The following ARAP1 variants were observed in gnomAD, a reference collection of about 807,000 sequenced individuals.
ARAP1 encodes ArfGAP with RhoGAP domain, ankyrin repeat and PH domain 1.
Under a neutral mutation model 172.2 loss-of-function variants are expected in ARAP1, and 76 were observed. The observed-to-expected ratio is 0.44, with a 90% CI of 0.37 to 0.53. The LOEUF (loss-of-function observed/expected upper bound fraction) is 0.53. Among genes scored for constraint, ARAP1 ranks in the 20% least tolerant of loss-of-function variants. The probability of loss-of-function intolerance (pLI) is 0.00; values close to 1 mark genes in which losing one functional copy is unlikely to be tolerated. For missense variants in ARAP1, 1,686 were observed against 1,977.5 expected, an observed-to-expected ratio of 0.85 and a Z score of 2.80; for synonymous variants, 804 against 803.3, an observed-to-expected ratio of 1.00 and a Z score of -0.01.
chr11:72,702,568 C>T (rs1412935525), intron 15 of ARAP1, among the ~76,000 whole-genome samples: 1 of 152,236 alleles, frequency 6.6e-6, no homozygotes, highest in African/African-American at 2.4e-5. Context: ...CACAGACACA[C>T]TCTGCACACG....
intron 1 of ARAP1, among the ~76,000 whole-genome samples, chr11:72,738,799 CCA>C (rs1565232299): frequency 6.6e-6 from 1 of 152,122 alleles, no homozygotes; most frequent in Non-Finnish European, 1.5e-5. Context: ...TCTCCCAGGG[CCA>C]CACACACCTA....
At position 72,688,438 on chromosome 11, in the gene ARAP1, G is replaced by A. The variant is rs747556951; in HGVS notation, c.4070+17C>T. ...ATAAGCCCCAGTAGCAGGCCTATCTGCCCAGTCCCAGCTTACCAGGTGGGT... is the reference window on the plus strand; with the variant it reads ...ATAAGCCCCAGTAGCAGGCCTATCTACCCAGTCCCAGCTTACCAGGTGGGT... On this transcript the variant is annotated intron_variant, in intron 31 of 34. Coordinates refer to ENST00000393609, the MANE Select transcript of ARAP1 (RefSeq NM_001040118.3). 6.2e-7 allele frequency: 1 copy of A among 1,607,968 alleles called. No individual in the cohort carries two copies. Among genetic ancestry groups the A allele is most frequent in the South Asian group, 1.1e-5 (1 of 89,822 alleles).
chr11:72,710,631 C>A lies in ARAP1; in HGVS notation c.1214-44G>T. 6.5e-7 allele frequency: 1 copy of A among 1,549,928 alleles called. No individual in the cohort carries two copies. The highest frequency in any genetic ancestry group is 2.3e-5 in the East Asian group (1 of 43,442). ...GGAGTAAGCCCAAGGTTGCAGGGAGCCCCTCAGGGGTCTCCTGGCCCTAGG... is the reference window on the plus strand; with the variant it reads ...GGAGTAAGCCCAAGGTTGCAGGGAGACCCTCAGGGGTCTCCTGGCCCTAGG... On this transcript the variant is annotated intron_variant, in intron 9 of 34. Transcript: ENST00000393609. The surrounding 1 kb of genome is among the most constrained non-coding windows in gnomAD (Gnocchi z 4.3).
In ARAP1 at chr11:72,726,700, C is replaced by A. The variant is rs780783884; in HGVS notation, c.429G>T (p.Pro143=). Residue 143 remains proline (P), a synonymous_variant, in exon 3 of 35, where the codon CCG becomes CCT. Transcript: ENST00000393609. This position sits in a 1 kb window ranked among gnomAD's most constrained non-coding sequence, Gnocchi z 6.5. The part of the protein sequence containing the change: ...STAAPDPVLP[P]LPAKRHLAEL... ...CTGCCAAATGCCGCTTAGCAGGCAG[C>A]GGGGGCAGCACAGGGTCTGGGGCAG... 2.2e-5 allele frequency: 29 copies of A among 1,299,200 alleles called. No individual in the cohort carries two copies. In the Admixed American group the frequency reaches 6.6e-4, roughly 29 times the overall value. The allele number at this position is 1,299,200 out of a possible 1,614,324, so 80.5% of individuals were successfully genotyped here. A position where few individuals can be genotyped will look rare whatever the true frequency, so the allele number is the denominator to read the frequency against.
At position 72,692,647 on chromosome 11, in the gene ARAP1, T is replaced by C. The variant is rs1855987410; in HGVS notation, c.3987+106A>G. On this transcript the variant is annotated intron_variant, in intron 30 of 34. Coordinates refer to ENST00000393609, the MANE Select transcript of ARAP1 (RefSeq NM_001040118.3). The stretch of plus-strand genomic sequence containing the variant: ...CAACGGGCAAGGGGGCAGGGATCCA[T>C]GCCTGGAGATGGCCAGGAGCCCTGG... The C allele has an allele frequency of 2.8e-6, 4 of 1,451,884 alleles. No individual in the cohort carries two copies. In the South Asian group the frequency reaches 3.4e-5, roughly 12 times the overall value. 89.9% of individuals were successfully genotyped at this position (1,451,884 alleles called of 1,614,324 possible).
chr11:72,690,783 GAA>G (rs1204398108), intron 30 of ARAP1, among the ~76,000 whole-genome samples: 5 of 152,210 alleles, frequency 3.3e-5, no homozygotes, highest in Non-Finnish European at 7.3e-5. Flanking sequence ...ATCTCTGCTG[GAA>G]CCAAGATCTT....
chr11:72,693,138 G>T lies in ARAP1; in HGVS notation c.3954+187C>A. ...TGCCAGGGCTTAGTGGGGCTACAGG[G>T]CACACTAGAGTGGCCGTCCAGGGCC... On this transcript the variant is annotated intron_variant, in intron 29 of 34. Coordinates refer to ENST00000393609, the MANE Select transcript of ARAP1 (RefSeq NM_001040118.3). This position sits in a 1 kb window ranked among gnomAD's most constrained non-coding sequence, Gnocchi z 4.6. 1.1e-6 allele frequency: 1 copy of T among 886,016 alleles called. No homozygotes were observed. The highest frequency in any genetic ancestry group is 1.7e-6 in the Non-Finnish European group (1 of 595,490). 54.9% of individuals were successfully genotyped at this position (886,016 alleles called of 1,614,324 possible). A position where few individuals can be genotyped will look rare whatever the true frequency, so the allele number is the denominator to read the frequency against.
Position 72,693,560 on chromosome 11 carries a change from C to T in ARAP1, c.3809-90G>A. 2 of 1,553,466 alleles carry T rather than the reference C, an allele frequency of 1.3e-6. No homozygotes were observed. The highest frequency in any genetic ancestry group is 1.2e-5 in the South Asian group (1 of 82,026). ...TGAAGGAAGCTGCCCCATCCTGCCC[C>T]AGCCTCTCCATAGAGGCCCACCCAC... On this transcript the variant is annotated intron_variant, in intron 28 of 34. Transcript: ENST00000393609. The surrounding 1 kb of genome is among the most constrained non-coding windows in gnomAD (Gnocchi z 4.6).
In ARAP1 at chr11:72,686,143, C is replaced by T; in HGVS notation, c.4234G>A (p.Val1412Met). Residue 1412 changes from valine to methionine, a missense_variant, in exon 34 of 35, where the codon GTG becomes ATG. Physicochemically the swap from Val to Met is conservative, Grantham distance 21. Coordinates refer to ENST00000393609, the MANE Select transcript of ARAP1 (RefSeq NM_001040118.3). The stretch of plus-strand genomic sequence containing the variant: ...ACACTACCCAGCCGGACCTCAGGCA[C>T]TGCCCGGGACACGCGTGAGGGCTCT... Reference protein sequence around the residue: ...PSEPSRVSRAVPEVRLGSVSL... With the variant: ...PSEPSRVSRAMPEVRLGSVSL... The T allele has an allele frequency of 6.2e-7, 1 of 1,614,030 alleles. No individual in the cohort carries two copies. Among genetic ancestry groups the T allele is most frequent in the Non-Finnish European group, 8.5e-7 (1 of 1,180,038 alleles).
intron 3 of ARAP1, among the ~76,000 whole-genome samples, chr11:72,717,321 G>T (rs1857322326): frequency 6.6e-6 from 1 of 152,188 alleles, no homozygotes; most frequent in African/African-American, 2.4e-5. Flanking sequence ...TCAGGCCAGG[G>T]CCAGTCAGAC....
rs1358129143 is a variant in ARAP1, at chr11:72,685,661, T to C, written c.*3A>G. On this transcript the variant is annotated 3_prime_UTR_variant, in exon 35 of 35. Transcript: ENST00000393609. ...TCCTAGAGCCAAGGATGGGCTCCTGTGCTCAGACGTTGCGCAGAAGCTGCA... is the reference window on the plus strand; with the variant it reads ...TCCTAGAGCCAAGGATGGGCTCCTGCGCTCAGACGTTGCGCAGAAGCTGCA... The C allele has an allele frequency of 1.2e-6, 2 of 1,614,104 alleles. No homozygotes were observed. The highest frequency in any genetic ancestry group is 1.7e-6 in the Non-Finnish European group (2 of 1,179,940).
intron 1 of ARAP1, among the ~76,000 whole-genome samples, chr11:72,735,003 CAG>C: frequency 6.6e-6 from 1 of 151,784 alleles, no homozygotes; most frequent in Non-Finnish European, 1.5e-5. Context: ...TTTTTTTAGA[CAG>C]GGTCTCGCTC....
rs376519961 is a variant in ARAP1 at position 72,705,927 on chromosome 11, C to G, written c.1724-37G>C. 1.2e-5 allele frequency: 19 copies of G among 1,607,884 alleles called. No individual in the cohort carries two copies. The Admixed American group carries it at 1.3e-4, about 11-fold the overall frequency. ...GGGCCAGACCCAGAATCACCTGGGC[C>G]CCCCCTTCACGGGAGCACTTACCCA... On this transcript the variant is annotated intron_variant, in intron 12 of 34. Coordinates refer to ENST00000393609, the MANE Select transcript of ARAP1 (RefSeq NM_001040118.3).
intron 2 of ARAP1, among the ~76,000 whole-genome samples, chr11:72,732,217 T>C (rs955205086): frequency 2.6e-5 from 4 of 152,086 alleles, no homozygotes; most frequent in Admixed American, 6.6e-5. Flanking sequence ...GGAACAAAAC[T>C]TGCCAGGCAG....
At chr11:72,692,648 G>GC in intron 30 of ARAP1, 105 bp downstream of exon 30, 1 of 1,460,494 alleles carries the variant, frequency 6.8e-7, no homozygotes, top group South Asian at 1.1e-5. Context: ...AGGGATCCAT[G>GC]CCTGGAGATG....
chr11:72,685,548 G>T lies in ARAP1; in HGVS notation c.*116C>A. On this transcript the variant is annotated 3_prime_UTR_variant, in exon 35 of 35. Coordinates refer to ENST00000393609, the MANE Select transcript of ARAP1 (RefSeq NM_001040118.3). ...GTCAGGATGGAGGATGTGGGTTGTG[G>T]GGTGCAGTTTCCCATGCACCCCCCG... The T allele has an allele frequency of 1.4e-6, 2 of 1,395,326 alleles. No individual in the cohort carries two copies. Among genetic ancestry groups the T allele is most frequent in the South Asian group, 1.2e-5 (1 of 85,886 alleles). 86.4% of individuals were successfully genotyped at this position (1,395,326 alleles called of 1,614,324 possible). A position where few individuals can be genotyped will look rare whatever the true frequency, so the allele number is the denominator to read the frequency against.
At chr11:72,731,431 C>T (rs954574438) in intron 2 of ARAP1, among the ~76,000 whole-genome samples, 1 of 152,106 alleles carries the variant, frequency 6.6e-6, no homozygotes, top group African/African-American at 2.4e-5. Flanking sequence ...TAAAAGAGCC[C>T]GGCTTCTCTC....
Position 72,699,104 on chromosome 11 carries a change from A to G in ARAP1, c.2442T>C (p.Phe814=). Residue 814 remains phenylalanine (F), a synonymous_variant, in exon 18 of 35, where the codon TTT becomes TTC. Transcript: ENST00000393609. The surrounding 1 kb of genome is among the most constrained non-coding windows in gnomAD (Gnocchi z 4.2). ...CCGTGTACACCTCAAAGGTGTGCTC[A>G]AAGCTGCAAATACACAGGCCAGGAC... ...LAVPPPDTHG[F]EHTFEVYTEG... is the part of the protein sequence containing the mutation. 6.2e-7 allele frequency: 1 copy of G among 1,614,128 alleles called. No individual in the cohort carries two copies. The highest frequency in any genetic ancestry group is 8.5e-7 in the Non-Finnish European group (1 of 1,180,014).
At chr11:72,713,731 C>T (rs546650352) in intron 4 of ARAP1, among the ~76,000 whole-genome samples, 1 of 151,878 alleles carries the variant, frequency 6.6e-6, no homozygotes, top group African/African-American at 2.4e-5. Flanking sequence ...CCTGTAGTCC[C>T]AGCTACTCGG....
Sources: gnomAD v4.1 joint callset for allele counts (sites outside exome capture counted in the v4.1 genomes callset) on GRCh38, gnomAD v4.1.1 for gene constraint, Gnocchi (gnomAD v3.1) non-coding constraint, MANE v1.5 for transcripts, NCBI Gene and HGNC (gene_info 2026-07-23, HGNC 2026-07-21) for gene names.